Variants in TRDN observed in about 807,000 individuals in gnomAD.
The protein encoded by TRDN is triadin in skeletal muscle.
In TRDN, 161 loss-of-function variants were observed where a neutral mutation model predicts 149.7. The ratio of observed to expected loss-of-function variants is 1.08; its 90% confidence interval spans 0.95 to 1.23. The LOEUF is 1.23. TRDN is among the 50% of genes most tolerant of loss of function. TRDN has a pLI of 0.00. For missense variants in TRDN, 896 were observed against 823.5 expected (o/e 1.09, Z -1.08); for synonymous variants, 294 against 250.5 (o/e 1.17, Z -1.64).
chr6:123,279,479 T>C (rs1777503293), intron 24 of TRDN, among the ~76,000 whole-genome samples: 1 of 152,110 alleles, frequency 6.6e-6, no homozygotes, highest in South Asian at 2.1e-4. Flanking sequence ...AGTTTTAATT[T>C]TCTCTCTTTT....
intron 27 of TRDN, 39 bp from the exon 28 acceptor site, chr6:123,273,402 C>A (rs1484806743): frequency 5.7e-6 from 5 of 880,216 alleles, no homozygotes; most frequent in East Asian, 6.5e-5. Flanking sequence ...AAATTACCTG[C>A]AAAATGGAGT....
chr6:123,307,973 A>G (rs760374232), intron 24 of TRDN, among the ~76,000 whole-genome samples: 1 of 151,996 alleles, frequency 6.6e-6, no homozygotes, highest in Non-Finnish European at 1.5e-5. Flanking sequence ...TAGTGAGCAT[A>G]TCACCCAATA....
intron 35 of TRDN, among the ~76,000 whole-genome samples, chr6:123,256,287 C>T (rs1428857542): frequency 6.6e-6 from 1 of 152,248 alleles, no homozygotes; most frequent in African/African-American, 2.4e-5. Flanking sequence ...TTTACGGCTT[C>T]ATAGTATTCC....
Position 123,570,941 on chromosome 6 carries a change from C to T in TRDN, c.214G>A (p.Asp72Asn), listed in dbSNP as rs919863113. 6.2e-7 allele frequency: 1 copy of T among 1,613,720 alleles called. No individual in the cohort carries two copies. The highest frequency in any genetic ancestry group is 8.5e-7 in the Non-Finnish European group (1 of 1,179,778). ...AACTTACCTGAAAAGTTTTTGTAAT[C>T]CACTAAATCAAACATAACGATGGCA... ...AVAIVMFDLV[D>N]YKNFSASSIA... is the part of the protein sequence containing the mutation. The change falls in exon 2 of 41, where the codon GAT (aspartate) becomes AAT (asparagine). Residue 72 changes from aspartate (D) to asparagine (N), a missense_variant. Asp to Asn is a conservative substitution (Grantham distance 23). Coordinates refer to ENST00000334268, the MANE Select transcript of TRDN (RefSeq NM_006073.4).
intron 4 of TRDN, among the ~76,000 whole-genome samples, chr6:123,531,249 T>C (rs1780238567): frequency 6.6e-6 from 1 of 152,036 alleles, no homozygotes; most frequent in Non-Finnish European, 1.5e-5. Context: ...GAATTTGAGA[T>C]TAGAGTTTAC....
intron 1 of TRDN, among the ~76,000 whole-genome samples, chr6:123,628,788 A>G (rs755498227): frequency 6.6e-5 from 10 of 152,070 alleles, no homozygotes; most frequent in African/African-American, 1.2e-4. Flanking sequence ...TTGTGTCCAC[A>G]TTGTCAGGCA....
At chr6:123,608,503 A>T (rs534178029) in intron 1 of TRDN, among the ~76,000 whole-genome samples, 3 of 152,194 alleles carry the variant, frequency 2.0e-5, no homozygotes, top group African/African-American at 7.2e-5. Context: ...TATATATTTC[A>T]AATATATGGT....
At chr6:123,378,494 GTGTGT>G (rs1781595027) in intron 16 of TRDN, among the ~76,000 whole-genome samples, 1 of 147,026 alleles carries the variant, frequency 6.8e-6, no homozygotes, top group African/African-American at 2.5e-5. Context: ...GTGTGTGTGT[GTGTGT>G]GGAGACAAAG....
chr6:123,602,369 C>A (rs1819158), intron 1 of TRDN, among the ~76,000 whole-genome samples: 1 of 151,830 alleles, frequency 6.6e-6, no homozygotes, highest in East Asian at 1.9e-4. Context: ...TAAGTGAGAG[C>A]TAAGCTATGA....
chr6:123,479,301 TA>T (rs1777640505), intron 9 of TRDN, among the ~76,000 whole-genome samples: 2 of 152,292 alleles, frequency 1.3e-5, no homozygotes, highest in South Asian at 4.1e-4. Flanking sequence ...AGTAGAACAC[TA>T]ATCTTTCAAA....
intron 9 of TRDN, among the ~76,000 whole-genome samples, chr6:123,486,249 ACTT>A (rs1404514937): frequency 1.3e-4 from 19 of 149,230 alleles, no homozygotes; most frequent in African/African-American, 4.1e-4. Flanking sequence ...TCTTGGTGTA[ACTT>A]CTTTTTTTTT....
At chr6:123,349,989 C>T (rs954217945) in intron 21 of TRDN, 1 of 985,196 alleles carries the variant, frequency 1.0e-6, no homozygotes, top group Admixed American at 6.2e-5. Flanking sequence ...TTCAAGTGGA[C>T]ACAAATTAGC....
At chr6:123,228,177 C>T (rs893641327) in intron 38 of TRDN, among the ~76,000 whole-genome samples, 2 of 151,848 alleles carry the variant, frequency 1.3e-5, no homozygotes, top group Admixed American at 6.6e-5. Flanking sequence ...GAGGAATATA[C>T]TCTTATTGTT....
intron 9 of TRDN, among the ~76,000 whole-genome samples, chr6:123,495,947 G>T (rs1778425686): frequency 6.6e-6 from 1 of 151,078 alleles, no homozygotes; most frequent in Non-Finnish European, 1.5e-5. Flanking sequence ...TCTGTCCAAA[G>T]CCTTGTCTTT....
chr6:123,478,993 T>A (rs887281624), intron 9 of TRDN, among the ~76,000 whole-genome samples: 1 of 152,296 alleles, frequency 6.6e-6, no homozygotes, highest in Middle Eastern at 3.4e-3. Context: ...ATATGGACCA[T>A]ATTAGGCAAT....
intron 2 of TRDN, among the ~76,000 whole-genome samples, chr6:123,565,033 G>A (rs988448740): frequency 9.2e-5 from 14 of 152,146 alleles, no homozygotes; most frequent in African/African-American, 3.4e-4. Context: ...TAATGCCTTA[G>A]TTTGTAGTCA....
intron 7 of TRDN, among the ~76,000 whole-genome samples, chr6:123,511,196 T>A (rs1440185004): frequency 2.0e-5 from 3 of 152,182 alleles, no homozygotes; most frequent in African/African-American, 7.2e-5. Flanking sequence ...TTCTTCTACA[T>A]ATACAGTTTT....
At chr6:123,315,543 G>T (rs755642383) in intron 24 of TRDN, among the ~76,000 whole-genome samples, 5 of 151,880 alleles carry the variant, frequency 3.3e-5, no homozygotes, top group Non-Finnish European at 7.4e-5. Context: ...CTTAAATATA[G>T]ATTAAAATTT....
chr6:123,288,392 G>A lies in TRDN; in HGVS notation c.1511-9310C>T, dbSNP rs559873934. ...ATCAAAAATAAACTAATGGGATTGAGTGAAACTAAAAAGCCTCTGCACAGC... is the reference window on the plus strand; with the variant it reads ...ATCAAAAATAAACTAATGGGATTGAATGAAACTAAAAAGCCTCTGCACAGC... On this transcript the variant is annotated intron_variant, in intron 24 of 40. Coordinates refer to ENST00000334268, the MANE Select transcript of TRDN (RefSeq NM_006073.4). 9.2e-5 allele frequency among the ~76,000 whole-genome samples: 14 copies of A among 152,108 alleles called. No individual in the cohort carries two copies. In the South Asian group the frequency reaches 2.5e-3, roughly 27 times the overall value.
Sources: gnomAD v4.1 joint callset for allele counts (sites outside exome capture counted in the v4.1 genomes callset) on GRCh38, gnomAD v4.1.1 for gene constraint, MANE v1.5 for transcripts, NCBI Gene and HGNC (gene_info 2026-07-23, HGNC 2026-07-21) for gene names.